The following SPECC1 variants were observed in gnomAD, a reference collection of about 807,000 sequenced individuals.
SPECC1 encodes cytospin-B.
In SPECC1, 62 loss-of-function variants were observed where a neutral mutation model predicts 104.1. The observed-to-expected ratio is 0.60, with a 90% CI of 0.49 to 0.74. The LOEUF (loss-of-function observed/expected upper bound fraction) is 0.74. Among genes scored for constraint, SPECC1 ranks in the 30% least tolerant of loss-of-function variants. The probability of loss-of-function intolerance (pLI) is 0.00; values close to 1 mark genes in which losing one functional copy is unlikely to be tolerated. For missense variants in SPECC1, 1,306 were observed against 1,310.5 expected, an observed-to-expected ratio of 1.00 and a Z score of 0.05; for synonymous variants, 513 against 501.6, an observed-to-expected ratio of 1.02 and a Z score of -0.30.
intron 3 of SPECC1, among the ~76,000 whole-genome samples, chr17:20,116,816 T>C (rs2048782133): frequency 1.5e-5 from 2 of 135,422 alleles, no homozygotes; most frequent in South Asian, 2.5e-4. Flanking sequence ...TTTTTTTTTT[T>C]TTTTTTTTTT....
chr17:20,097,053 T>G (rs540479603), intron 2 of SPECC1, among the ~76,000 whole-genome samples: 4 of 152,176 alleles, frequency 2.6e-5, no homozygotes, highest in Non-Finnish European at 4.4e-5. Context: ...CTGGGTTGCA[T>G]GGACATCCCG....
rs544760184 is a variant in SPECC1, at chr17:20,301,198, G to T, written c.3057+4121G>T. Among the ~76,000 whole-genome samples the T allele has an allele frequency of 1.7e-3, 262 of 152,276 alleles. 1 individual carries two copies. The highest frequency in any genetic ancestry group is 6.1e-3 in the African/African-American group (255 of 41,560). On this transcript the variant is annotated intron_variant, in intron 13 of 14. Coordinates refer to ENST00000395527, the MANE Select transcript of SPECC1 (RefSeq NM_001243439.2). ...GTAACGTATCCCAACAGGCAGACTC[G>T]TACCATATAAAACTGAGCACACGGG...
chr17:20,309,976 C>T (rs906709988), intron 14 of SPECC1, among the ~76,000 whole-genome samples: 2 of 151,128 alleles, frequency 1.3e-5, no homozygotes, highest in Admixed American at 6.6e-5. Context: ...CACCACCATG[C>T]CCAGCTAATT....
rs114988694 is a variant in SPECC1, at chr17:20,246,304, C to G, written c.2497+233C>G. Among the ~76,000 whole-genome samples, 270 of 152,308 alleles carry G rather than the reference C, an allele frequency of 1.8e-3. 1 individual carries two copies. The highest frequency in any genetic ancestry group is 5.9e-3 in the African/African-American group (246 of 41,558). ...ACAAATGCAGCCTCTTCCTCTCTACCGCTTCCTTCCATCCAGTTCCTGCCT... is the reference window on the plus strand; with the variant it reads ...ACAAATGCAGCCTCTTCCTCTCTACGGCTTCCTTCCATCCAGTTCCTGCCT... On this transcript the variant is annotated intron_variant, in intron 8 of 14. Transcript: ENST00000395527.
At position 20,227,614 on chromosome 17, in the gene SPECC1, C is replaced by T. The variant is rs1315339067; in HGVS notation, c.2065C>T (p.Leu689=). Residue 689 remains leucine (L), a synonymous_variant, in exon 5 of 15, where the codon CTA becomes TTA. Transcript: ENST00000395527. The part of the protein sequence containing the change: ...KLHNNQLISE[L]ESSVIKLEEQ... ...ACACAATAATCAACTCATCAGTGAG[C>T]TAGAAAGTAAGTGGGGTCTGCCAGG... 2 of 1,610,996 alleles carry T rather than the reference C, an allele frequency of 1.2e-6. No individual in the cohort carries two copies. Among genetic ancestry groups the T allele is most frequent in the Non-Finnish European group, 1.7e-6 (2 of 1,179,294 alleles).
At chr17:20,280,896 A>G (rs1393833627) in intron 12 of SPECC1, among the ~76,000 whole-genome samples, 2 of 152,242 alleles carry the variant, frequency 1.3e-5, no homozygotes, top group East Asian at 3.8e-4. Flanking sequence ...TTATTTCAGA[A>G]CCACTAATTT....
intron 3 of SPECC1, among the ~76,000 whole-genome samples, chr17:20,190,109 A>G (rs1013289181): frequency 1.3e-5 from 2 of 151,386 alleles, no homozygotes; most frequent in Non-Finnish European, 2.9e-5. Context: ...GGAAAAAACT[A>G]CTTTTCTGTC....
chr17:20,296,202 G>A (rs1361653367), intron 12 of SPECC1, among the ~76,000 whole-genome samples: 10 of 152,276 alleles, frequency 6.6e-5, no homozygotes, highest in Non-Finnish European at 1.5e-4. Flanking sequence ...TTTGTCTAAG[G>A]TGTAAGGAAG....
chr17:20,106,424 G>C (rs943215040), intron 2 of SPECC1, among the ~76,000 whole-genome samples: 5 of 152,194 alleles, frequency 3.3e-5, no homozygotes, highest in African/African-American at 1.2e-4. Context: ...TCTCTAAGAA[G>C]GGTAGTAGTG....
At chr17:20,257,964 A>T (rs2039893751) in intron 11 of SPECC1, among the ~76,000 whole-genome samples, 1 of 152,178 alleles carries the variant, frequency 6.6e-6, no homozygotes, top group African/African-American at 2.4e-5. Flanking sequence ...ATGTGTCTGA[A>T]CTAGTCTGTG....
At chr17:20,297,235 T>A (rs762711714) in intron 13 of SPECC1, among the ~76,000 whole-genome samples, 158 bp downstream of exon 13, 1 of 152,202 alleles carries the variant, frequency 6.6e-6, no homozygotes, top group African/African-American at 2.4e-5. Flanking sequence ...CACCGTGGAA[T>A]CCCATCCTCA....
intron 1 of SPECC1, among the ~76,000 whole-genome samples, chr17:20,034,036 T>A (rs80237270): frequency 0.069 from 10,518 of 152,204 alleles, 989 homozygotes; most frequent in African/African-American, 0.21. Context: ...TTGCTCTAAA[T>A]ACTAATACAA....
intron 4 of SPECC1, among the ~76,000 whole-genome samples, chr17:20,221,230 A>G (rs751222285): frequency 6.6e-5 from 10 of 152,128 alleles, no homozygotes; most frequent in Non-Finnish European, 1.3e-4. Context: ...AATAGTTTGA[A>G]TAGGATTGGT....
At position 20,315,758 on chromosome 17, in the gene SPECC1, C is replaced by T. The variant is rs562737220; in HGVS notation, c.*1693C>T. The T allele has an allele frequency of 1.2e-4, 29 of 232,204 alleles. No individual in the cohort carries two copies. In the East Asian group the frequency reaches 1.6e-3, roughly 13 times the overall value. The allele number at this position is 232,204 out of a possible 1,614,324, so 14.4% of individuals were successfully genotyped here. A position where few individuals can be genotyped will look rare whatever the true frequency, so the allele number is the denominator to read the frequency against. ...TTGCAGAGGTGGCAACTGGGCTGCA[C>T]GGGTCAGCAGATCCCTGATTCTCAA... is the stretch of plus-strand genomic sequence containing the variant. On this transcript the variant is annotated 3_prime_UTR_variant, in exon 15 of 15. Transcript: ENST00000395527.
chr17:20,201,968 T>C (rs1416632959), intron 3 of SPECC1, among the ~76,000 whole-genome samples: 1 of 152,246 alleles, frequency 6.6e-6, no homozygotes, highest in Non-Finnish European at 1.5e-5. Flanking sequence ...GTTACATATG[T>C]CATGAATGCA....
chr17:20,250,580 C>CA (rs2039585360), intron 9 of SPECC1, among the ~76,000 whole-genome samples: 1 of 152,180 alleles, frequency 6.6e-6, no homozygotes, highest in Non-Finnish European at 1.5e-5. Flanking sequence ...TAGAAAATCT[C>CA]AATCACCTAT....
Position 20,314,224 on chromosome 17 carries a change from G to A in SPECC1, c.*159G>A, listed in dbSNP as rs1410736771. 3.1e-6 allele frequency: 2 copies of A among 649,772 alleles called. No homozygotes were observed. The highest frequency in any genetic ancestry group is 5.5e-6 in the Non-Finnish European group (2 of 362,932). 40.3% of individuals were successfully genotyped at this position (649,772 alleles called of 1,614,324 possible). A position where few individuals can be genotyped will look rare whatever the true frequency, so the allele number is the denominator to read the frequency against. ...GACCAACACCCAAATAAGAAACAGA[G>A]TGGGTCCCACGATGTACCTGTCTGA... is the stretch of plus-strand genomic sequence containing the variant. On this transcript the variant is annotated 3_prime_UTR_variant, in exon 15 of 15. Transcript: ENST00000395527.
intron 1 of SPECC1, among the ~76,000 whole-genome samples, chr17:20,066,250 A>G (rs942919677): frequency 2.0e-5 from 3 of 152,222 alleles, no homozygotes; most frequent in African/African-American, 7.2e-5. Context: ...AAATTAGCCA[A>G]ACATCTGTTT....
chr17:20,260,159 T>C, intron 11 of SPECC1, 33 bp from the exon 12 acceptor site: 1 of 1,558,618 alleles, frequency 6.4e-7, no homozygotes, highest in Non-Finnish European at 8.8e-7. Context: ...TATTAGCATC[T>C]TCTCCTTACC....
Sources: allele counts gnomAD v4.1 joint callset (sites outside exome capture counted in the v4.1 genomes callset), GRCh38; gene constraint gnomAD v4.1.1; transcripts MANE v1.5; gene names NCBI Gene and HGNC (gene_info 2026-07-23, HGNC 2026-07-21).